C1QTNF7: variants seen among roughly 807,000 people sequenced by gnomAD.
C1QTNF7 encodes C1q and TNF related 7, also known as complement C1q tumor necrosis factor-related protein 7.
A neutral mutation model predicts 19.6 loss-of-function variants in C1QTNF7; 15 were observed. The ratio of observed to expected loss-of-function variants is 0.76; its 90% CI spans 0.51 to 1.18. C1QTNF7 has a LOEUF of 1.18. C1QTNF7 is among the 50% of genes most tolerant of loss of function. C1QTNF7 has a pLI of 0.00. For synonymous variants in C1QTNF7, 142 were observed against 137.5 expected (o/e 1.03, Z -0.23); for missense variants, 324 against 359.7 (o/e 0.90, Z 0.80).
rs933783672 is a variant in C1QTNF7 at position 15,444,579 on chromosome 4, A to G, written c.*1780A>G. On this transcript the variant is annotated 3_prime_UTR_variant, in exon 3 of 3. Coordinates refer to ENST00000444304, the MANE Select transcript of C1QTNF7 (RefSeq NM_031911.5). ...TGACTAGTAAATTTCTAAGGATACC[A>G]GAAAGGAAATGGCATGCACACACAC... is the stretch of plus-strand genomic sequence containing the variant. The G allele has an allele frequency of 1.3e-5, 2 of 152,248 alleles. No individual in the cohort carries two copies. Among genetic ancestry groups the G allele is most frequent in the Admixed American group, 1.3e-4 (2 of 15,286 alleles). The allele number at this position is 152,248 out of a possible 1,614,324, so 9.4% of individuals were successfully genotyped here. A position where few individuals can be genotyped will look rare whatever the true frequency, so the allele number is the denominator to read the frequency against.
chr4:15,381,310 G>A (rs958427995), intron 1 of C1QTNF7, among the ~76,000 whole-genome samples: 5 of 151,770 alleles, frequency 3.3e-5, no homozygotes, highest in East Asian at 1.9e-4. Flanking sequence ...CCAGCTACTC[G>A]GGAGGCTGAG....
At chr4:15,389,880 C>T (rs995049563) in intron 1 of C1QTNF7, among the ~76,000 whole-genome samples, 1 of 152,158 alleles carries the variant, frequency 6.6e-6, no homozygotes, top group African/African-American at 2.4e-5. Context: ...CTCACACCGT[C>T]AGCAGGGCAG....
intron 1 of C1QTNF7, among the ~76,000 whole-genome samples, chr4:15,350,152 AAGAAG>A: frequency 8.9e-6 from 1 of 112,492 alleles, no homozygotes; most frequent in African/African-American, 3.3e-5. Context: ...GGAAGGAGGA[AAGAAG>A]GGAGGGAGGG....
In C1QTNF7 at chr4:15,346,463, A is replaced by G. The variant is rs963226472; in HGVS notation, c.13+6256A>G. ...GTTGCCTCAAAACACATCCTACCAT[A>G]TATACTATGACAGTATTTTGAGAGC... is the stretch of plus-strand genomic sequence containing the variant. On this transcript the variant is annotated intron_variant, in intron 1 of 2. Transcript: ENST00000295297. Among the ~76,000 whole-genome samples, 5 of 152,182 alleles carry G rather than the reference A, an allele frequency of 3.3e-5. No homozygotes were observed. The East Asian group carries it at 9.6e-4, about 29-fold the overall frequency.
At chr4:15,406,266 C>T (rs551745827) in intron 1 of C1QTNF7, among the ~76,000 whole-genome samples, 2 of 152,154 alleles carry the variant, frequency 1.3e-5, no homozygotes, top group Non-Finnish European at 2.9e-5. Flanking sequence ...TTCAATAGCT[C>T]TCTGTTGAAT....
intron 1 of C1QTNF7, among the ~76,000 whole-genome samples, chr4:15,393,359 G>A (rs910504590): frequency 6.6e-6 from 1 of 152,234 alleles, no homozygotes. Flanking sequence ...TCTTCTGCAG[G>A]CCATTCTGCA....
At chr4:15,438,879 A>G (rs747139404) in intron 2 of C1QTNF7, among the ~76,000 whole-genome samples, 14 of 152,210 alleles carry the variant, frequency 9.2e-5, no homozygotes, top group Non-Finnish European at 1.9e-4. Flanking sequence ...CAGATGGTCA[A>G]TTAATGTTAG....
chr4:15,362,452 G>A (rs1436571663), intron 1 of C1QTNF7: 1 of 152,132 alleles, frequency 6.6e-6, no homozygotes, highest in Non-Finnish European at 1.5e-5. Flanking sequence ...TTAGTCATAG[G>A]CAACTTGACC....
At chr4:15,374,508 G>T (rs1257379787) in intron 1 of C1QTNF7, 10 of 948,644 alleles carry the variant, frequency 1.1e-5, no homozygotes, top group Non-Finnish European at 1.3e-5. Context: ...CTTCTTTCGG[G>T]CTCGATCAAA....
intron 1 of C1QTNF7, among the ~76,000 whole-genome samples, chr4:15,347,614 C>T (rs1451175424): frequency 6.6e-6 from 1 of 152,090 alleles, no homozygotes; most frequent in Non-Finnish European, 1.5e-5. Flanking sequence ...CTGCCTGAAG[C>T]CCTGTACTGA....
chr4:15,425,828 C>T (rs1030323745), upstream of C1QTNF7, among the ~76,000 whole-genome samples: 13 of 152,040 alleles, frequency 8.6e-5, no homozygotes, highest in African/African-American at 3.1e-4. Flanking sequence ...ACTTCTACCA[C>T]CTAGAAAAAT....
chr4:15,416,006 C>T (rs905552826), intron 1 of C1QTNF7, among the ~76,000 whole-genome samples: 2 of 152,024 alleles, frequency 1.3e-5, no homozygotes, highest in Non-Finnish European at 2.9e-5. Flanking sequence ...GTACATAGAG[C>T]TTTGAGTACT....
chr4:15,442,484 C>T lies in C1QTNF7; in HGVS notation c.555C>T (p.Phe185=). ...ACTACAACCCTGCCACAGGGAAGTT[C>T]ATCTGTGCTTTCCCAGGGATCTATT... is the stretch of plus-strand genomic sequence containing the variant. The part of the protein sequence containing the change: ...GEHYNPATGK[F]ICAFPGIYYF... Residue 185 remains phenylalanine (F), a synonymous_variant, in exon 3 of 3, where the codon TTC becomes TTT. Coordinates refer to ENST00000444304, the MANE Select transcript of C1QTNF7 (RefSeq NM_031911.5). 1 of 1,614,190 alleles carries T rather than the reference C, an allele frequency of 6.2e-7. No individual in the cohort carries two copies. The highest frequency in any genetic ancestry group is 8.5e-7 in the Non-Finnish European group (1 of 1,180,026).
rs547435517 is a variant in C1QTNF7 at position 15,357,372 on chromosome 4, G to A, written c.13+17165G>A. 3.3e-5 allele frequency among the ~76,000 whole-genome samples: 5 copies of A among 152,258 alleles called. No homozygotes were observed. The South Asian group carries it at 6.2e-4, about 19-fold the overall frequency. On this transcript the variant is annotated intron_variant, in intron 1 of 2. Coordinates refer to the C1QTNF7 transcript ENST00000295297. ...ATAGGGAATCCTTTCCCCATTGCTT[G>A]TTTTTGTCAGGTTTGTCAAAGATCA...
intron 1 of C1QTNF7, among the ~76,000 whole-genome samples, chr4:15,343,269 G>T (rs1716607343): frequency 6.6e-6 from 1 of 152,140 alleles, no homozygotes; most frequent in Non-Finnish European, 1.5e-5. Context: ...AAATGGTGAG[G>T]TTGAGTTGTC....
intron 1 of C1QTNF7, among the ~76,000 whole-genome samples, chr4:15,357,490 T>A (rs1239779766): frequency 2.0e-5 from 3 of 152,218 alleles, no homozygotes; most frequent in African/African-American, 4.8e-5. Context: ...TACTGCAGCC[T>A]TGTAGTATAG....
At chr4:15,346,231 G>C (rs1202694286) in intron 1 of C1QTNF7, among the ~76,000 whole-genome samples, 1 of 152,170 alleles carries the variant, frequency 6.6e-6, no homozygotes, top group Non-Finnish European at 1.5e-5. Context: ...AAAGCACTTT[G>C]CCTAGGGTCA....
chr4:15,360,970 C>A (rs542526015), intron 1 of C1QTNF7, among the ~76,000 whole-genome samples: 2 of 152,224 alleles, frequency 1.3e-5, no homozygotes, highest in South Asian at 2.1e-4. Flanking sequence ...ACCATAGTAA[C>A]CTCTGTACAA....
upstream of C1QTNF7, among the ~76,000 whole-genome samples, chr4:15,424,861 T>A (rs1711965915): frequency 6.6e-6 from 1 of 152,198 alleles, no homozygotes; most frequent in Non-Finnish European, 1.5e-5. Context: ...CTTTGTGTTC[T>A]CAGCTGAAAT....
Sources: allele counts gnomAD v4.1 joint callset (sites outside exome capture counted in the v4.1 genomes callset), GRCh38; gene constraint gnomAD v4.1.1; transcripts MANE v1.5; gene names NCBI Gene and HGNC (gene_info 2026-07-23, HGNC 2026-07-21).